The following KDM4B variants were observed in gnomAD, a reference collection of about 807,000 sequenced individuals.
KDM4B encodes the protein lysine demethylase 4B.
In KDM4B, 32 loss-of-function variants were observed where a neutral mutation model predicts 125.2. The ratio of observed to expected loss-of-function variants is 0.26; its 90% CI spans 0.19 to 0.34. KDM4B has a LOEUF of 0.34. Among genes scored for constraint, KDM4B ranks in the 10% least tolerant of loss-of-function variants. KDM4B has a pLI of 1.00. For synonymous variants in KDM4B, 721 were observed against 677.9 expected (o/e 1.06, Z -0.99); for missense variants, 1,190 against 1,577.7 (o/e 0.75, Z 4.16).
intron 10 of KDM4B, chr19:5,111,283 C>T (rs2039139330): frequency 1.0e-5 from 7 of 697,374 alleles, no homozygotes; most frequent in Non-Finnish European, 1.8e-5. Context: ...CTCAACGGGG[C>T]ATCAGGTGGG....
In KDM4B at chr19:4,988,282, T is replaced by G. The variant is rs142813270; in HGVS notation, c.-109+19052T>G. Among the ~76,000 whole-genome samples the G allele has an allele frequency of 4.6e-5, 7 of 152,214 alleles. No homozygotes were observed. The South Asian group carries it at 1.5e-3, about 32-fold the overall frequency. ...CAGCCTTCTCATGAACCCTTCTTTT[T>G]TTTTCTTTTTTGAGACGGAGTCTTG... On this transcript the variant is annotated intron_variant, in intron 1 of 22. Coordinates refer to ENST00000159111, the MANE Select transcript of KDM4B (RefSeq NM_015015.3).
intron 6 of KDM4B, among the ~76,000 whole-genome samples, chr19:5,056,053 G>A (rs1391207479): frequency 6.6e-6 from 1 of 152,174 alleles, no homozygotes; most frequent in Non-Finnish European, 1.5e-5. Flanking sequence ...TAGGGCCCTG[G>A]GCTATTACGG....
At chr19:5,063,781 C>A (rs918055419) in intron 6 of KDM4B, among the ~76,000 whole-genome samples, 1 of 152,234 alleles carries the variant, frequency 6.6e-6, no homozygotes. Flanking sequence ...AGAACTTGGC[C>A]ATTTCCGTGG....
chr19:4,984,464 GC>G (rs1229517385), intron 1 of KDM4B, among the ~76,000 whole-genome samples: 1 of 152,148 alleles, frequency 6.6e-6, no homozygotes, highest in Non-Finnish European at 1.5e-5. Flanking sequence ...AGGTGGGTTG[GC>G]CGGGGTTTTA....
At chr19:5,068,117 G>A (rs993687312) in intron 6 of KDM4B, among the ~76,000 whole-genome samples, 3 of 147,706 alleles carry the variant, frequency 2.0e-5, no homozygotes, top group Non-Finnish European at 4.5e-5. Context: ...TCCCTCCAGA[G>A]CCAAGGCCAA....
At chr19:5,127,625 T>C (rs183649250) in intron 11 of KDM4B, among the ~76,000 whole-genome samples, 306 of 152,224 alleles carry the variant, frequency 2.0e-3, no homozygotes, top group African/African-American at 7.1e-3. Context: ...CCACTTTGTC[T>C]CCCATGCCTG....
intron 1 of KDM4B, among the ~76,000 whole-genome samples, chr19:5,004,609 C>A (rs1599394464): frequency 6.6e-6 from 1 of 152,224 alleles, no homozygotes; most frequent in East Asian, 1.9e-4. Flanking sequence ...CACGTTTCAG[C>A]TCCCCAGTTT....
At chr19:5,003,090 C>CA (rs2035443229) in intron 1 of KDM4B, among the ~76,000 whole-genome samples, 1 of 152,218 alleles carries the variant, frequency 6.6e-6, no homozygotes, top group South Asian at 2.1e-4. Flanking sequence ...CCTTTACACT[C>CA]ACGTTCCGAT....
chr19:5,082,629 A>G lies in KDM4B; in HGVS notation c.918+125A>G, dbSNP rs940252418. 2.9e-6 allele frequency: 3 copies of G among 1,043,608 alleles called. No homozygotes were observed. The highest frequency in any genetic ancestry group is 1.7e-5 in the South Asian group (1 of 60,400). 64.6% of individuals were successfully genotyped at this position (1,043,608 alleles called of 1,614,324 possible). On this transcript the variant is annotated intron_variant, in intron 9 of 22. Coordinates refer to ENST00000159111, the MANE Select transcript of KDM4B (RefSeq NM_015015.3). The surrounding 1 kb of genome is among the most constrained non-coding windows in gnomAD (Gnocchi z 5.4). ...GCTCAGCCCAGGGCCTGGGCTCTCA[A>G]CCAGGGTCTGATTCTGGGCTCCTCA...
intron 9 of KDM4B, among the ~76,000 whole-genome samples, chr19:5,104,165 T>C (rs1240942943): frequency 4.6e-5 from 7 of 151,586 alleles, no homozygotes; most frequent in East Asian, 2.0e-4. Flanking sequence ...AGGAGCTCGC[T>C]CCAGCTGGTG....
At chr19:5,057,026 A>ATG (rs1404957430) in intron 6 of KDM4B, among the ~76,000 whole-genome samples, 1 of 124,896 alleles carries the variant, frequency 8.0e-6, no homozygotes, top group Admixed American at 7.9e-5. Flanking sequence ...CCAGATATAT[A>ATG]TGCGTGTGTG....
intron 11 of KDM4B, among the ~76,000 whole-genome samples, chr19:5,124,041 G>T (rs1463115754): frequency 6.6e-6 from 1 of 152,148 alleles, no homozygotes; most frequent in Non-Finnish European, 1.5e-5. Context: ...GGCTGCGTGG[G>T]CCACCTTGAG....
chr19:5,060,534 T>C (rs2037560992), intron 6 of KDM4B, among the ~76,000 whole-genome samples: 1 of 151,184 alleles, frequency 6.6e-6, no homozygotes, highest in African/African-American at 2.4e-5. Flanking sequence ...GAGACTGTCG[T>C]TGTTCTCTCC....
intron 2 of KDM4B, among the ~76,000 whole-genome samples, chr19:5,030,068 C>T (rs571244204): frequency 1.9e-4 from 29 of 152,288 alleles, no homozygotes; most frequent in South Asian, 1.2e-3. Context: ...GACGAGCCCC[C>T]GCAACCCCAC....
At chr19:5,087,508 T>C (rs1318456330) in intron 9 of KDM4B, among the ~76,000 whole-genome samples, 2 of 152,192 alleles carry the variant, frequency 1.3e-5, no homozygotes, top group African/African-American at 2.4e-5. Flanking sequence ...GAGGCAGGAT[T>C]GGCCCCAGTG....
intron 5 of KDM4B, among the ~76,000 whole-genome samples, chr19:5,042,228 G>A (rs1183048663): frequency 6.6e-6 from 1 of 152,224 alleles, no homozygotes; most frequent in Admixed American, 6.5e-5. Context: ...GAGGCTGGGC[G>A]TGGTGGCTGA....
chr19:4,983,135 C>CT lies in KDM4B; in HGVS notation c.-109+13921dup, dbSNP rs76958173. Among the ~76,000 whole-genome samples the CT allele has an allele frequency of 6.2e-3, 812 of 130,602 alleles. 5 individuals are homozygous for CT. Among genetic ancestry groups the CT allele is most frequent in the South Asian group, 0.02 (80 of 4,076 alleles). The allele number at this position is 130,602 out of a possible 152,430, so 85.7% of individuals were successfully genotyped here. A position where few individuals can be genotyped will look rare whatever the true frequency, so the allele number is the denominator to read the frequency against. On this transcript the variant is annotated intron_variant, in intron 1 of 22. Transcript: ENST00000159111. Reference sequence around the variant, plus strand: ...GATGTTTCACACTGCTTTTTCTTTTCTTTTTTTTTTTTTTTTGGGTGCTGT... The same window carrying CT: ...GATGTTTCACACTGCTTTTTCTTTTCTTTTTTTTTTTTTTTTTGGGTGCTGT...
intron 5 of KDM4B, among the ~76,000 whole-genome samples, chr19:5,041,645 G>T (rs1345559252): frequency 6.6e-6 from 1 of 152,254 alleles, no homozygotes; most frequent in Non-Finnish European, 1.5e-5. Context: ...TCCTGACTTG[G>T]GCTCAGGGCC....
At chr19:5,083,733 C>CATGTGGCTGCTCGTG (rs2038378846) in intron 9 of KDM4B, among the ~76,000 whole-genome samples, 1 of 152,218 alleles carries the variant, frequency 6.6e-6, no homozygotes, top group Non-Finnish European at 1.5e-5. Context: ...GGTTTGGGGT[C>CATGTGGCTGCTCGTG]ATGTGGCTGC....
Sources: gnomAD v4.1 joint callset for allele counts (sites outside exome capture counted in the v4.1 genomes callset) on GRCh38, gnomAD v4.1.1 for gene constraint, Gnocchi (gnomAD v3.1) non-coding constraint, MANE v1.5 for transcripts, NCBI Gene and HGNC (gene_info 2026-07-23, HGNC 2026-07-21) for gene names.